The following CCDC91 variants were observed in gnomAD, a reference collection of about 807,000 sequenced individuals.
The protein encoded by CCDC91 is coiled-coil domain containing 91.
In CCDC91, 48 loss-of-function variants were observed where a neutral mutation model predicts 63.2. The ratio of observed to expected loss-of-function variants is 0.76; its 90% CI spans 0.60 to 0.97. CCDC91 has a LOEUF of 0.97. Ranked by LOEUF, CCDC91 falls within the 50% of genes least tolerant of loss-of-function variation. CCDC91 has a pLI of 0.00. For missense variants in CCDC91, 500 were observed against 494.6 expected, an observed-to-expected ratio of 1.01 and a Z score of -0.10; for synonymous variants, 167 against 165.8, an observed-to-expected ratio of 1.01 and a Z score of -0.06.
chr12:28,440,264 GT>G (rs1949116134), intron 8 of CCDC91, among the ~76,000 whole-genome samples: 1 of 152,160 alleles, frequency 6.6e-6, no homozygotes, highest in South Asian at 2.1e-4. Flanking sequence ...TGTATGGCCT[GT>G]TTTGTTTCTC....
intron 1 of CCDC91, among the ~76,000 whole-genome samples, chr12:28,246,344 A>C (rs576794909): frequency 2.6e-5 from 4 of 152,316 alleles, no homozygotes; most frequent in South Asian, 2.1e-4. Context: ...TTATGTTGTC[A>C]ACACTGATTT....
intron 7 of CCDC91, among the ~76,000 whole-genome samples, chr12:28,364,199 A>G (rs1944116945): frequency 6.6e-6 from 1 of 152,134 alleles, no homozygotes; most frequent in South Asian, 2.1e-4. Flanking sequence ...CAGCCTGGCC[A>G]ACATGGTGAA....
At chr12:28,359,699 A>G (rs1197040208) in intron 6 of CCDC91, among the ~76,000 whole-genome samples, 3 of 152,042 alleles carry the variant, frequency 2.0e-5, no homozygotes, top group Admixed American at 6.5e-5. Context: ...CTGACTGCAT[A>G]TATCCCCAGG....
In CCDC91 at chr12:28,238,821, T is replaced by C. The variant is rs141598238; in HGVS notation, c.-14-18381T>C. 1.2e-3 allele frequency among the ~76,000 whole-genome samples: 184 copies of C among 152,132 alleles called. 3 individuals are homozygous for C. The highest frequency in any genetic ancestry group is 4.2e-3 in the African/African-American group (175 of 41,532). On this transcript the variant is annotated intron_variant, in intron 1 of 12. Transcript: ENST00000536442. ...TATTACATGAGAACAACTAAGATAATTAAAAATGTGTGTGGCAGCCAGGCA... is the reference window on the plus strand; with the variant it reads ...TATTACATGAGAACAACTAAGATAACTAAAAATGTGTGTGGCAGCCAGGCA...
At chr12:28,296,208 T>G (rs1240058855) in intron 3 of CCDC91, among the ~76,000 whole-genome samples, 1 of 151,694 alleles carries the variant, frequency 6.6e-6, no homozygotes, top group African/African-American at 2.4e-5. Context: ...ATGTTTATAT[T>G]ATATAATTTT....
At chr12:28,385,200 G>A (rs1323733730) in intron 7 of CCDC91, among the ~76,000 whole-genome samples, 3 of 152,050 alleles carry the variant, frequency 2.0e-5, no homozygotes, top group African/African-American at 7.2e-5. Flanking sequence ...CAAGAAAGGT[G>A]AAATTGTGGT....
intron 6 of CCDC91, among the ~76,000 whole-genome samples, chr12:28,330,111 A>T (rs1171156640): frequency 6.6e-6 from 1 of 152,174 alleles, no homozygotes; most frequent in East Asian, 1.9e-4. Context: ...CATGATTTAT[A>T]ATCCATTGGG....
At chr12:28,438,476 G>C (rs1949021988) in intron 8 of CCDC91, among the ~76,000 whole-genome samples, 1 of 152,004 alleles carries the variant, frequency 6.6e-6, no homozygotes, top group Non-Finnish European at 1.5e-5. Context: ...TTCCAAAACT[G>C]TGGGAATTTT....
intron 8 of CCDC91, among the ~76,000 whole-genome samples, chr12:28,426,816 T>A (rs1307018061): frequency 6.6e-6 from 1 of 152,208 alleles, no homozygotes; most frequent in Non-Finnish European, 1.5e-5. Flanking sequence ...GTTCTGATGC[T>A]TTCTTTGCTC....
At chr12:28,389,845 C>T (rs1051584940) in intron 7 of CCDC91, among the ~76,000 whole-genome samples, 1 of 151,966 alleles carries the variant, frequency 6.6e-6, no homozygotes, top group African/African-American at 2.4e-5. Context: ...TATTTTTTAA[C>T]TTTTCTGAAA....
chr12:28,472,736 CATTT>C (rs1950884789), intron 11 of CCDC91, among the ~76,000 whole-genome samples: 1 of 152,116 alleles, frequency 6.6e-6, no homozygotes, highest in African/African-American at 2.4e-5. Flanking sequence ...ACTTGGGAGG[CATTT>C]ATAGAATTCT....
intron 8 of CCDC91, among the ~76,000 whole-genome samples, chr12:28,414,827 G>T (rs1947539310): frequency 6.6e-6 from 1 of 152,070 alleles, no homozygotes; most frequent in African/African-American, 2.4e-5. Flanking sequence ...CAATGAACTT[G>T]GGGCAATAAA....
chr12:28,385,241 G>T (rs1288110335), intron 7 of CCDC91, among the ~76,000 whole-genome samples: 1 of 151,978 alleles, frequency 6.6e-6, no homozygotes, highest in Non-Finnish European at 1.5e-5. Context: ...TGATTATTTT[G>T]TATATACTAT....
intron 11 of CCDC91, among the ~76,000 whole-genome samples, chr12:28,473,420 C>G (rs1950921918): frequency 6.6e-6 from 1 of 152,148 alleles, no homozygotes; most frequent in Non-Finnish European, 1.5e-5. Flanking sequence ...AAAACACTTC[C>G]TGATGAGTAA....
rs78891545 is a variant in CCDC91 at position 28,375,071 on chromosome 12, C to T, written c.654+12556C>T. ...GATTACGAGCATAGATTTTTGAATT[C>T]AGACAGACCTGGATCAGAGCCCCAC... On this transcript the variant is annotated intron_variant, in intron 7 of 12. Transcript: ENST00000536442. 3.2e-3 allele frequency among the ~76,000 whole-genome samples: 485 copies of T among 151,836 alleles called. 7 individuals are homozygous for T. Among genetic ancestry groups the T allele is most frequent in the African/African-American group, 0.011 (452 of 41,474 alleles).
intron 6 of CCDC91, among the ~76,000 whole-genome samples, chr12:28,322,380 G>C (rs948330663): frequency 1.1e-4 from 17 of 151,770 alleles, no homozygotes; most frequent in African/African-American, 3.1e-4. Flanking sequence ...TCTGCTTTGA[G>C]ACATTACCAA....
At chr12:28,221,297 T>G (rs1943928510) in intron 1 of CCDC91, among the ~76,000 whole-genome samples, 2 of 152,296 alleles carry the variant, frequency 1.3e-5, no homozygotes, top group East Asian at 3.9e-4. Flanking sequence ...TCTGCTTTCT[T>G]AAAAGTTATA....
intron 11 of CCDC91, among the ~76,000 whole-genome samples, chr12:28,479,793 CTTTG>C (rs1951342299): frequency 6.6e-6 from 1 of 151,598 alleles, no homozygotes; most frequent in Non-Finnish European, 1.5e-5. Context: ...CTATCCTTTT[CTTTG>C]TTTAGACCAA....
intron 6 of CCDC91, among the ~76,000 whole-genome samples, chr12:28,330,001 A>T (rs1941361070): frequency 6.6e-6 from 1 of 152,096 alleles, no homozygotes; most frequent in African/African-American, 2.4e-5. Flanking sequence ...ACATTTTCTT[A>T]ATCCAGTGTG....
Sources: allele counts gnomAD v4.1 joint callset (sites outside exome capture counted in the v4.1 genomes callset), GRCh38; gene constraint gnomAD v4.1.1; transcripts MANE v1.5; gene names NCBI Gene and HGNC (gene_info 2026-07-23, HGNC 2026-07-21).